The following GRIA2 variants were observed in gnomAD, a reference collection of about 807,000 sequenced individuals.
GRIA2 encodes the protein glutamate receptor 2.
GRIA2 carries 14 observed loss-of-function variants against 97.3 expected under a neutral mutation model. The ratio of observed to expected loss-of-function variants is 0.14; its 90% CI spans 0.10 to 0.23. The LOEUF (loss-of-function observed/expected upper bound fraction) is 0.23, where lower values mean the gene tolerates loss of function less well. Ranked by LOEUF, GRIA2 falls within the 10% of genes least tolerant of loss-of-function variation. The probability of loss-of-function intolerance (pLI) is 1.00; values close to 1 mark genes in which losing one functional copy is unlikely to be tolerated. For missense variants in GRIA2, 558 were observed against 1,069.8 expected (o/e 0.52, Z 6.67); for synonymous variants, 412 against 387.8 (o/e 1.06, Z -0.73).
chr4:157,323,311 T>C (rs561242161), intron 6 of GRIA2, among the ~76,000 whole-genome samples: 4 of 108,512 alleles, frequency 3.7e-5, no homozygotes, highest in African/African-American at 1.5e-4. Context: ...CACTCCAGCC[T>C]GGGAGACAGA....
At position 157,332,854 on chromosome 4, in the gene GRIA2, G is replaced by C. The variant is rs1160382168; in HGVS notation, c.918G>C (p.Val306=). 6.2e-7 allele frequency: 1 copy of C among 1,612,544 alleles called. No homozygotes were observed. Among genetic ancestry groups the C allele is most frequent in the East Asian group, 2.2e-5 (1 of 44,838 alleles). ...CTCTGACCTATGATGCCGTTCAAGT[G>C]ATGACTGAAGCCTTCCGCAACCTAA... ...TSALTYDAVQ[V]MTEAFRNLRK... is the part of the protein sequence containing the mutation. The change falls in exon 7 of 16, where the codon GTG becomes GTC. Residue 306 remains valine (V), a synonymous_variant. Coordinates refer to ENST00000264426, the MANE Select transcript of GRIA2 (RefSeq NM_001083619.3).
intron 2 of GRIA2, among the ~76,000 whole-genome samples, chr4:157,285,253 G>GT (rs1732784647): frequency 6.6e-6 from 1 of 151,234 alleles, no homozygotes; most frequent in African/African-American, 2.4e-5. Flanking sequence ...TTTATATTGG[G>GT]TTGTCTGTTT....
At chr4:157,285,876 T>A (rs987826458) in intron 2 of GRIA2, among the ~76,000 whole-genome samples, 20 of 151,472 alleles carry the variant, frequency 1.3e-4, no homozygotes, top group African/African-American at 4.8e-4. Context: ...AATTCATAGG[T>A]GAGCATGTCT....
chr4:157,310,885 C>T (rs1263170855), intron 3 of GRIA2, among the ~76,000 whole-genome samples: 2 of 151,884 alleles, frequency 1.3e-5, no homozygotes, highest in African/African-American at 4.8e-5. Context: ...TGATGAAATT[C>T]AAGTTTACAT....
Position 157,332,877 on chromosome 4 carries a change from T to A in GRIA2, c.941T>A (p.Leu314Gln). ...VQVMTEAFRN[L>Q]RKQRIEISRR... ...GTGATGACTGAAGCCTTCCGCAACC[T>A]AAGGAAGCAAAGAATTGAAATCTCC... The change falls in exon 7 of 16, where the codon CTA becomes CAA. Residue 314 changes from leucine to glutamine, a missense_variant. Leu to Gln is a moderately radical substitution (Grantham distance 113, BLOSUM62 -2). Transcript: ENST00000264426. The A allele has an allele frequency of 1.2e-6, 2 of 1,612,554 alleles. No homozygotes were observed. The highest frequency in any genetic ancestry group is 8.5e-7 in the Non-Finnish European group (1 of 1,178,956).
intron 2 of GRIA2, among the ~76,000 whole-genome samples, chr4:157,259,108 G>A (rs1410119222): frequency 6.6e-6 from 1 of 151,988 alleles, no homozygotes; most frequent in Non-Finnish European, 1.5e-5. Context: ...TGCACCTGTG[G>A]TCCCACCTAC....
At chr4:157,257,728 G>A (rs570477393) in intron 2 of GRIA2, among the ~76,000 whole-genome samples, 163 of 152,060 alleles carry the variant, frequency 1.1e-3, no homozygotes, top group Middle Eastern at 3.4e-3. Flanking sequence ...CAGCACAATT[G>A]AAGACTATGA....
intron 2 of GRIA2, among the ~76,000 whole-genome samples, chr4:157,259,706 A>G (rs1047801382): frequency 6.6e-6 from 1 of 152,052 alleles, no homozygotes; most frequent in Non-Finnish European, 1.5e-5. Flanking sequence ...TGCTGTTCCT[A>G]TTTGAAAGTA....
intron 2 of GRIA2, among the ~76,000 whole-genome samples, chr4:157,245,810 T>C (rs561835304): frequency 1.3e-4 from 20 of 152,232 alleles, no homozygotes; most frequent in African/African-American, 4.6e-4. Context: ...TCCTTTCATT[T>C]AGGCAACCCT....
intron 12 of GRIA2, among the ~76,000 whole-genome samples, chr4:157,357,273 T>C (rs1050757392): frequency 3.9e-5 from 6 of 152,170 alleles, no homozygotes; most frequent in Non-Finnish European, 8.8e-5. Context: ...TCCTAATGAA[T>C]CGCAGTTTTC....
chr4:157,224,560 C>A (rs1320939863), intron 2 of GRIA2, among the ~76,000 whole-genome samples: 2 of 151,746 alleles, frequency 1.3e-5, no homozygotes, highest in African/African-American at 4.8e-5. Flanking sequence ...GTGCTATGGA[C>A]AATAGAAGAT....
At chr4:157,336,355 C>T (rs557158861) in intron 10 of GRIA2, 22 bp from the exon 11 acceptor site, 23 of 1,514,698 alleles carry the variant, frequency 1.5e-5, no homozygotes, top group Admixed American at 2.2e-5. Context: ...GGTACTATTA[C>T]TTTCCTTTTT....
At chr4:157,329,526 A>G (rs1734956418) in intron 6 of GRIA2, among the ~76,000 whole-genome samples, 1 of 151,920 alleles carries the variant, frequency 6.6e-6, no homozygotes. Context: ...TTAAACTGTT[A>G]TTGCGGGATT....
At position 157,281,236 on chromosome 4, in the gene GRIA2, A is replaced by T. The variant is rs543788843; in HGVS notation, c.230-22316A>T. ...TCCATTGTATGCGCCAGAGTTAGAG[A>T]ATGTTCATTAATTGGTATTACTAAT... On this transcript the variant is annotated intron_variant, in intron 2 of 15. Coordinates refer to ENST00000264426, the MANE Select transcript of GRIA2 (RefSeq NM_001083619.3). Among the ~76,000 whole-genome samples the T allele has an allele frequency of 5.7e-4, 86 of 152,190 alleles. 1 individual carries two copies. Among genetic ancestry groups the T allele is most frequent in the Admixed American group, 1.1e-3 (17 of 15,254 alleles).
intron 10 of GRIA2, 39 bp from the exon 11 acceptor site, chr4:157,336,338 G>A (rs776919252): frequency 6.9e-7 from 1 of 1,458,082 alleles, no homozygotes; most frequent in East Asian, 2.3e-5. Context: ...TTTTCACCAT[G>A]ACTCCAGGTA....
intron 2 of GRIA2, among the ~76,000 whole-genome samples, chr4:157,246,980 G>T (rs539517418): frequency 6.6e-6 from 1 of 152,086 alleles, no homozygotes; most frequent in South Asian, 2.1e-4. Flanking sequence ...TATTTCATAT[G>T]CTTTAACTCA....
chr4:157,304,853 C>G (rs967364514), intron 3 of GRIA2, among the ~76,000 whole-genome samples: 1 of 152,086 alleles, frequency 6.6e-6, no homozygotes, highest in Non-Finnish European at 1.5e-5. Flanking sequence ...CTGCAGCAAG[C>G]TCGAGTCAGG....
At position 157,360,023 on chromosome 4, in the gene GRIA2, T is replaced by C; in HGVS notation, c.2171T>C (p.Leu724Ser). Residue 724 changes from leucine (L) to serine (S), a missense_variant, in exon 13 of 16, where the codon TTG becomes TCG. Coordinates refer to ENST00000264426, the MANE Select transcript of GRIA2 (RefSeq NM_001083619.3). The part of the protein sequence containing the change: ...VRKSKGKYAY[L>S]LESTMNEYIE... ...AAGTCCAAAGGGAAATATGCCTACT[T>C]GTTGGAGTCCACGATGAACGAGTAC... 1 of 1,613,960 alleles carries C rather than the reference T, an allele frequency of 6.2e-7. No individual in the cohort carries two copies. Among genetic ancestry groups the C allele is most frequent in the Non-Finnish European group, 8.5e-7 (1 of 1,179,924 alleles).
intron 12 of GRIA2, among the ~76,000 whole-genome samples, chr4:157,344,391 A>G (rs1461994775): frequency 6.6e-6 from 1 of 152,098 alleles, no homozygotes; most frequent in Non-Finnish European, 1.5e-5. Flanking sequence ...AGGTAGATAC[A>G]GAACAGAGTG....
Sources: gnomAD v4.1 joint callset for allele counts (sites outside exome capture counted in the v4.1 genomes callset) on GRCh38, gnomAD v4.1.1 for gene constraint, MANE v1.5 for transcripts, NCBI Gene and HGNC (gene_info 2026-07-23, HGNC 2026-07-21) for gene names.